Variants in CDH16 observed in about 807,000 individuals in gnomAD.
The protein encoded by CDH16 is cadherin-16.
CDH16 carries 79 observed loss-of-function variants against 87.6 expected under a neutral mutation model. The observed-to-expected ratio is 0.90, with a 90% confidence interval of 0.75 to 1.09. CDH16 has a LOEUF of 1.09. Among genes scored for constraint, CDH16 ranks in the 50% least tolerant of loss-of-function variants. The probability of loss-of-function intolerance (pLI) is 0.00; values close to 1 mark genes in which losing one functional copy is unlikely to be tolerated. For synonymous variants in CDH16, 457 were observed against 439.5 expected (o/e 1.04, Z -0.50); for missense variants, 1,124 against 1,071.7 (o/e 1.05, Z -0.68).
In CDH16 at chr16:66,912,092, GCAC is replaced by G. The variant is rs761728402; in HGVS notation, c.1594_1596del (p.Val532del). 25 of 1,613,726 alleles carry G rather than the reference GCAC, an allele frequency of 1.5e-5. No homozygotes were observed. In the African/African-American group the frequency reaches 2.7e-4, roughly 17 times the overall value. On this transcript the variant is annotated inframe_deletion, in exon 13 of 18. Transcript: ENST00000299752. ...GGCCCCACCAGCTTCGCCACACTCT[GCAC>G]CACCACCACCACCTCATGACTTGGA...
chr16:66,915,980 C>T, intron 5 of CDH16, 85 bp downstream of exon 5: 1 of 1,493,662 alleles, frequency 6.7e-7, no homozygotes, highest in South Asian at 1.2e-5. Flanking sequence ...TGTCCTATGC[C>T]AACTGTCTGG....
At chr16:66,913,941 G>C (rs1395072453) in intron 7 of CDH16, among the ~76,000 whole-genome samples, 1 of 152,356 alleles carries the variant, frequency 6.6e-6, no homozygotes, top group East Asian at 1.9e-4. Flanking sequence ...ATGGCAGCAA[G>C]AGATGGCAGC....
In CDH16 at chr16:66,909,843, T is replaced by C. The variant is rs1962328024; in HGVS notation, c.2275+143A>G. Reference sequence around the variant, plus strand: ...GTGCCTGTTCCTGTGTGCCCAGGTATGTGTGCCCAGCCATAGGTGTGCAAG... The same window carrying C: ...GTGCCTGTTCCTGTGTGCCCAGGTACGTGTGCCCAGCCATAGGTGTGCAAG... On this transcript the variant is annotated intron_variant, in intron 16 of 17. Coordinates refer to ENST00000299752, the MANE Select transcript of CDH16 (RefSeq NM_004062.4). The surrounding 1 kb of genome is among the most constrained non-coding windows in gnomAD (Gnocchi z 4.1). 1.5e-6 allele frequency: 1 copy of C among 652,554 alleles called. No individual in the cohort carries two copies. The highest frequency in any genetic ancestry group is 2.7e-6 in the Non-Finnish European group (1 of 371,604). 40.4% of individuals were successfully genotyped at this position (652,554 alleles called of 1,614,324 possible).
At chr16:66,914,008 C>T (rs187922824) in intron 7 of CDH16, among the ~76,000 whole-genome samples, 27 of 152,346 alleles carry the variant, frequency 1.8e-4, no homozygotes, top group African/African-American at 6.5e-4. Context: ...AGAGTCACGC[C>T]TGCTAGAGGA....
At chr16:66,911,073 G>A in intron 14 of CDH16, 109 bp downstream of exon 14, 2 of 1,081,288 alleles carry the variant, frequency 1.8e-6, no homozygotes, top group Non-Finnish European at 2.6e-6. Flanking sequence ...TCTCCTGCTT[G>A]GGGCTGGGGG....
rs762833449 is a variant in CDH16, at chr16:66,910,515, C to T, written c.1925-13G>A. 1.3e-6 allele frequency: 2 copies of T among 1,491,298 alleles called. No homozygotes were observed. The highest frequency in any genetic ancestry group is 1.8e-6 in the Non-Finnish European group (2 of 1,116,548). The allele number at this position is 1,491,298 out of a possible 1,614,324, so 92.4% of individuals were successfully genotyped here. ...AGTCTCGGCTCATCTGCAGAGGAGG[C>T]AGTGCTGAGCTGGCCAGGTGTTGCC... On this transcript the variant is annotated splice_polypyrimidine_tract_variant and intron_variant, in intron 14 of 17. Transcript: ENST00000299752.
rs762526771 is a variant in CDH16, at chr16:66,912,551, C to G, written c.1312G>C (p.Ala438Pro). Residue 438 changes from alanine (A) to proline (P), a missense_variant, in exon 11 of 18, where the codon GCA (alanine) becomes CCA (proline). Coordinates refer to ENST00000299752, the MANE Select transcript of CDH16 (RefSeq NM_004062.4). ...GCGTGATCATTGATATCTGTGACTG[C>G]GACTTCGACTTCACACGTGCTGCTG... is the stretch of plus-strand genomic sequence containing the variant. ...GFSSTCEVEV[A>P]VTDINDHAPE... 10 of 1,614,036 alleles carry G rather than the reference C, an allele frequency of 6.2e-6. No homozygotes were observed. The highest frequency in any genetic ancestry group is 8.5e-6 in the Non-Finnish European group (10 of 1,180,028).
intron 12 of CDH16, 24 bp downstream of exon 12, chr16:66,912,218 T>C (rs776848392): frequency 1.1e-5 from 18 of 1,599,754 alleles, no homozygotes; most frequent in Non-Finnish European, 1.5e-5. Context: ...TGTGGGCCCC[T>C]TTCCCAGCTA....
rs933925468 is a variant in CDH16, at chr16:66,912,713, C to T, written c.1233G>A (p.Gln411=). 6.2e-7 allele frequency: 1 copy of T among 1,613,894 alleles called. No homozygotes were observed. Among genetic ancestry groups the T allele is most frequent in the African/African-American group, 1.3e-5 (1 of 74,912 alleles). The change falls in exon 10 of 18, where the codon CAG becomes CAA. Residue 411 remains glutamine (Q), a synonymous_variant. Coordinates refer to ENST00000299752, the MANE Select transcript of CDH16 (RefSeq NM_004062.4). ...TLGVLPLRAG[Q]NILLLVLAMD... ...TGGCCAGCACCAGAAGCAGGATGTT[C>T]TGGCCTGCTCGGAGTGGGAGCACCC...
rs759107466 is a variant in CDH16 at position 66,916,143 on chromosome 16, C to T, written c.346G>A (p.Val116Met). The T allele has an allele frequency of 1.9e-6, 3 of 1,614,266 alleles. No homozygotes were observed. Among genetic ancestry groups the T allele is most frequent in the South Asian group, 2.2e-5 (2 of 91,092 alleles). ...LWGPQPVLVH[V>M]KDENDQVPHF... ...GGCACCTGGTCATTCTCATCCTTCA[C>T]GTGCACAAGCACAGGCTGTGGACCC... The change falls in exon 5 of 18, where the codon GTG (valine) becomes ATG (methionine). Residue 116 changes from valine (V) to methionine (M), a missense_variant. Val to Met is a conservative substitution (Grantham distance 21). Coordinates refer to ENST00000299752, the MANE Select transcript of CDH16 (RefSeq NM_004062.4). The surrounding 1 kb of genome is among the most constrained non-coding windows in gnomAD (Gnocchi z 4.1).
Position 66,908,483 on chromosome 16 carries a change from A to AAG in CDH16, c.2397_2398dup (p.Phe800SerfsTer27). 6.2e-7 allele frequency: 1 copy of AAG among 1,613,860 alleles called. No individual in the cohort carries two copies. The highest frequency in any genetic ancestry group is 8.5e-7 in the Non-Finnish European group (1 of 1,179,766). ...CCAGTGGGTGAAAATGAGGATGAGGAAGATTCCTGTGGGGCCCAAGAGGGA... is the reference window on the plus strand; with the variant it reads ...CCAGTGGGTGAAAATGAGGATGAGGAAGAGATTCCTGTGGGGCCCAAGAGGGA... On this transcript the variant is annotated frameshift_variant, in exon 18 of 18. Coordinates refer to ENST00000299752, the MANE Select transcript of CDH16 (RefSeq NM_004062.4). LOFTEE classifies it high-confidence loss of function.
rs759015781 is a variant in CDH16 at position 66,915,398 on chromosome 16, C to T, written c.425-20G>A. On this transcript the variant is annotated intron_variant, in intron 5 of 17. Transcript: ENST00000299752. Reference sequence around the variant, plus strand: ...GGATGCCTGGTTCACGGTGGGAGGGCAAACTGTAAGGGATAGAGAGGGTGG... The same window carrying T: ...GGATGCCTGGTTCACGGTGGGAGGGTAAACTGTAAGGGATAGAGAGGGTGG... The T allele has an allele frequency of 6.2e-7, 1 of 1,611,926 alleles. No homozygotes were observed. The highest frequency in any genetic ancestry group is 2.2e-5 in the East Asian group (1 of 44,830).
chr16:66,915,078 C>T (rs944604292), intron 6 of CDH16, 142 bp downstream of exon 6: 1 of 765,980 alleles, frequency 1.3e-6, no homozygotes, highest in Non-Finnish European at 2.1e-6. Flanking sequence ...CAGCCCCCTG[C>T]CTTGTTGCTG....
chr16:66,908,383 C>T lies in CDH16; in HGVS notation c.*9G>A. The T allele has an allele frequency of 6.2e-7, 1 of 1,612,838 alleles. No homozygotes were observed. On this transcript the variant is annotated 3_prime_UTR_variant, in exon 18 of 18. Transcript: ENST00000299752. ...AGGCCAAGCTCCCAGCTAGAGCTGC[C>T]TGGGCCATTCAGACAGTCGCCTTCA...
chr16:66,914,585 T>C (rs1351684811), intron 6 of CDH16, among the ~76,000 whole-genome samples, 173 bp from the exon 7 acceptor site: 1 of 152,188 alleles, frequency 6.6e-6, no homozygotes, highest in African/African-American at 2.4e-5. Context: ...AACAAGGACA[T>C]GACAGTTTGC....
Position 66,908,336 on chromosome 16 carries a change from C to A in CDH16, c.*56G>T. 1 of 1,420,598 alleles carries A rather than the reference C, an allele frequency of 7.0e-7. No homozygotes were observed. The highest frequency in any genetic ancestry group is 2.0e-4 in the Middle Eastern group (1 of 5,026). 88.0% of individuals were successfully genotyped at this position (1,420,598 alleles called of 1,614,324 possible). The stretch of plus-strand genomic sequence containing the variant: ...GGATCTTGGGTGCTGGGCTCTCTCC[C>A]AGGGGACTCAGATGGAGCCAGAGGC... On this transcript the variant is annotated 3_prime_UTR_variant, in exon 18 of 18. Coordinates refer to ENST00000299752, the MANE Select transcript of CDH16 (RefSeq NM_004062.4).
intron 1 of CDH16, 123 bp downstream of exon 1, chr16:66,918,681 A>G (rs932781674): frequency 6.6e-6 from 1 of 151,950 alleles, no homozygotes; most frequent in Non-Finnish European, 1.5e-5. Flanking sequence ...CAAATCGACA[A>G]CCCCTCTAAG....
Position 66,909,001 on chromosome 16 carries a change from C to A in CDH16, c.2392+266G>T, listed in dbSNP as rs1567529207. ...CCTCATCTGCAAAATGGGGAGATAC[C>A]AGGATCTACCTCACAGGGTTGCTGG... On this transcript the variant is annotated intron_variant, in intron 17 of 17. Coordinates refer to ENST00000299752, the MANE Select transcript of CDH16 (RefSeq NM_004062.4). The surrounding 1 kb of genome is among the most constrained non-coding windows in gnomAD (Gnocchi z 4.1). 6.6e-6 allele frequency among the ~76,000 whole-genome samples: 1 copy of A among 152,160 alleles called. No individual in the cohort carries two copies. Among genetic ancestry groups the A allele is most frequent in the East Asian group, 1.9e-4 (1 of 5,200 alleles).
Position 66,916,352 on chromosome 16 carries a change from A to T in CDH16, c.207T>A (p.Phe69Leu), listed in dbSNP as rs768480463. The change falls in exon 4 of 18, where the codon TTT becomes TTA. Residue 69 changes from phenylalanine (F) to leucine (L), a missense_variant. Coordinates refer to ENST00000299752, the MANE Select transcript of CDH16 (RefSeq NM_004062.4). This position sits in a 1 kb window ranked among gnomAD's most constrained non-coding sequence, Gnocchi z 4.1. ...GDSGKATEGP[F>L]AMDPDSGFLL... ...GGAAGCCAGAATCTGGATCCATAGCAAATGGGCCCTCAGTTGCCTTGCCTG... is the reference window on the plus strand; with the variant it reads ...GGAAGCCAGAATCTGGATCCATAGCTAATGGGCCCTCAGTTGCCTTGCCTG... 1 of 1,614,130 alleles carries T rather than the reference A, an allele frequency of 6.2e-7. No individual in the cohort carries two copies.
Sources: allele counts gnomAD v4.1 joint callset (sites outside exome capture counted in the v4.1 genomes callset), GRCh38; gene constraint gnomAD v4.1.1; non-coding constraint Gnocchi (gnomAD v3.1); transcripts MANE v1.5; gene names NCBI Gene and HGNC (gene_info 2026-07-23, HGNC 2026-07-21).